The following CALU variants were observed in gnomAD, a reference collection of about 807,000 sequenced individuals.
CALU encodes the protein calumenin, also known as IEF SSP 9302.
Under a neutral mutation model 37.5 loss-of-function variants are expected in CALU, and 13 were observed. The ratio of observed to expected loss-of-function variants is 0.35; its 90% CI spans 0.23 to 0.55. The LOEUF is 0.55. Ranked by LOEUF, CALU falls within the 20% of genes least tolerant of loss-of-function variation. The probability of loss-of-function intolerance (pLI) is 0.89; values close to 1 mark genes in which losing one functional copy is unlikely to be tolerated. For synonymous variants in CALU, 114 were observed against 133.8 expected (o/e 0.85, Z 1.02); for missense variants, 282 against 391.7 (o/e 0.72, Z 2.36).
rs1800792183 is a variant in CALU, at chr7:128,754,474, G to A, written c.415+19G>A. 9 of 1,608,522 alleles carry A rather than the reference G, an allele frequency of 5.6e-6. No individual in the cohort carries two copies. The highest frequency in any genetic ancestry group is 7.6e-6 in the Non-Finnish European group (9 of 1,177,070). ...GTTTTAGGTAGGTCCCTACTGTCTG[G>A]GGGAAAAAGCCTTGTGGAGCTGGCA... On this transcript the variant is annotated intron_variant, in intron 3 of 6. Coordinates refer to ENST00000249364, the MANE Select transcript of CALU (RefSeq NM_001219.5).
intron 5 of CALU, among the ~76,000 whole-genome samples, chr7:128,765,841 A>G (rs1801308244): frequency 6.6e-6 from 1 of 152,200 alleles, no homozygotes; most frequent in Non-Finnish European, 1.5e-5. Context: ...GTACTAACAG[A>G]CCTTGTTTAC....
rs905215582 is a variant in CALU, at chr7:128,772,026, C to T, written c.*2859C>T. On this transcript the variant is annotated 3_prime_UTR_variant, in exon 7 of 7. Transcript: ENST00000249364. ...AAGCTGTAGCAGTTATCCAAAAGTTCTTTCAAACTCATATTTGGGGCCACT... is the reference window on the plus strand; with the variant it reads ...AAGCTGTAGCAGTTATCCAAAAGTTTTTTCAAACTCATATTTGGGGCCACT... Among the ~76,000 whole-genome samples the T allele has an allele frequency of 1.3e-5, 2 of 150,282 alleles. No individual in the cohort carries two copies. The highest frequency in any genetic ancestry group is 3.0e-5 in the Non-Finnish European group (2 of 67,760).
chr7:128,759,149 G>A, intron 4 of CALU, 112 bp downstream of exon 4: 1 of 735,882 alleles, frequency 1.4e-6, no homozygotes, highest in Non-Finnish European at 2.2e-6. Flanking sequence ...ATGCTATATA[G>A]CATATCACTG....
At position 128,769,068 on chromosome 7, in the gene CALU, C is replaced by G. The variant is rs781530380; in HGVS notation, c.849C>G (p.Gly283=). 2.5e-6 allele frequency: 4 copies of G among 1,601,616 alleles called. No homozygotes were observed. In the South Asian group the frequency reaches 4.4e-5, roughly 18 times the overall value. The change falls in exon 7 of 7, where the codon GGC becomes GGG. Residue 283 remains glycine, a synonymous_variant. Coordinates refer to ENST00000249364, the MANE Select transcript of CALU (RefSeq NM_001219.5). ...LVYESDQNKD[G]KLTKEEIVDK... ...ATTGCTATCTCTACTTTCAGGATGGCAAGCTTACCAAGGAGGAGATCGTTG... is the reference window on the plus strand; with the variant it reads ...ATTGCTATCTCTACTTTCAGGATGGGAAGCTTACCAAGGAGGAGATCGTTG...
intron 2 of CALU, among the ~76,000 whole-genome samples, chr7:128,751,674 C>T (rs1173784141): frequency 6.6e-6 from 1 of 152,148 alleles, no homozygotes; most frequent in Non-Finnish European, 1.5e-5. Flanking sequence ...CTACAGTGAG[C>T]TGTAATTGTA....
intron 3 of CALU, among the ~76,000 whole-genome samples, chr7:128,757,815 C>T (rs1361612104): frequency 6.6e-6 from 1 of 151,894 alleles, no homozygotes; most frequent in African/African-American, 2.4e-5. Context: ...TTTCACTTTT[C>T]TATATTCTTA....
intron 3 of CALU, 39 bp from the exon 4 acceptor site, chr7:128,758,831 GA>G: frequency 7.0e-7 from 1 of 1,419,918 alleles, no homozygotes; most frequent in African/African-American, 1.4e-5. Context: ...CATGTTTTCT[GA>G]AAGTCTTTTA....
chr7:128,754,230 C>G (rs1243049152), intron 2 of CALU, 32 bp from the exon 3 acceptor site: 1 of 1,549,122 alleles, frequency 6.5e-7, no homozygotes, highest in East Asian at 2.2e-5. Context: ...GTCTTTTTAA[C>G]CTTTTGCTGG....
At chr7:128,762,099 T>A (rs1385175829) in intron 5 of CALU, among the ~76,000 whole-genome samples, 1 of 152,198 alleles carries the variant, frequency 6.6e-6, no homozygotes, top group Non-Finnish European at 1.5e-5. Context: ...CTAGGTGCAT[T>A]TACTGAGCCC....
At chr7:128,763,022 A>G (rs983046659) in intron 5 of CALU, among the ~76,000 whole-genome samples, 2 of 152,068 alleles carry the variant, frequency 1.3e-5, no homozygotes, top group African/African-American at 2.4e-5. Context: ...CTCAACAACA[A>G]TCAACTTACA....
intron 1 of CALU, among the ~76,000 whole-genome samples, chr7:128,745,164 A>G (rs1800382415): frequency 6.6e-6 from 1 of 152,224 alleles, no homozygotes; most frequent in Non-Finnish European, 1.5e-5. Context: ...TCCTAAAGAT[A>G]AAGTCCCCTT....
At chr7:128,767,134 G>A (rs977930073) in intron 5 of CALU, among the ~76,000 whole-genome samples, 1 of 152,144 alleles carries the variant, frequency 6.6e-6, no homozygotes. Context: ...AGCTACCTTA[G>A]GGTGAAATGA....
intron 5 of CALU, among the ~76,000 whole-genome samples, chr7:128,760,629 C>T (rs971081909): frequency 4.6e-5 from 7 of 152,164 alleles, no homozygotes; most frequent in Non-Finnish European, 1.0e-4. Context: ...TTGCAGGGGG[C>T]TGGGCACGGT....
In CALU at chr7:128,769,736, C is replaced by T. The variant is rs1248062430; in HGVS notation, c.*569C>T. The T allele has an allele frequency of 6.6e-6, 1 of 152,196 alleles. No homozygotes were observed. Among genetic ancestry groups the T allele is most frequent in the Non-Finnish European group, 1.5e-5 (1 of 68,048 alleles). The allele number at this position is 152,196 out of a possible 1,614,324, so 9.4% of individuals were successfully genotyped here. A position where few individuals can be genotyped will look rare whatever the true frequency, so the allele number is the denominator to read the frequency against. On this transcript the variant is annotated 3_prime_UTR_variant, in exon 7 of 7. Coordinates refer to ENST00000249364, the MANE Select transcript of CALU (RefSeq NM_001219.5). ...GCTATAGGTCCAGCAACTGAACCTGCCATTACCTGGGCAAGGAAAGATCCC... is the reference window on the plus strand; with the variant it reads ...GCTATAGGTCCAGCAACTGAACCTGTCATTACCTGGGCAAGGAAAGATCCC...
intron 1 of CALU, among the ~76,000 whole-genome samples, chr7:128,741,061 A>G (rs958123189): frequency 9.9e-5 from 15 of 152,202 alleles, no homozygotes. Flanking sequence ...GATTTTCTGT[A>G]ACGTAGGTAT....
At chr7:128,742,343 G>A (rs1054804098) in intron 1 of CALU, among the ~76,000 whole-genome samples, 4 of 152,154 alleles carry the variant, frequency 2.6e-5, no homozygotes, top group Non-Finnish European at 5.9e-5. Flanking sequence ...CTGCGTTATG[G>A]AGAAATAAAT....
In CALU at chr7:128,773,227, G is replaced by A. The variant is rs1801664976; in HGVS notation, c.*4060G>A. On this transcript the variant is annotated 3_prime_UTR_variant, in exon 7 of 7. Transcript: ENST00000249364. ...TAAAAGTTGGAAGGGAAATGATTAA[G>A]AAATTATTAAATGCAAGGACTGAAA... Among the ~76,000 whole-genome samples, 1 of 152,234 alleles carries A rather than the reference G, an allele frequency of 6.6e-6. No homozygotes were observed. Among genetic ancestry groups the A allele is most frequent in the African/African-American group, 2.4e-5 (1 of 41,452 alleles).
At position 128,767,513 on chromosome 7, in the gene CALU, G is replaced by T; in HGVS notation, c.701G>T (p.Arg234Leu). Residue 234 changes from arginine to leucine, a missense_variant, in exon 6 of 7, where the codon CGA (arginine) becomes CTA (leucine). Arg to Leu is a moderately radical substitution (Grantham distance 102, BLOSUM62 -2). Transcript: ENST00000249364. ...TDEPEWVKTE[R>L]EQFVEFRDKN... is the part of the protein sequence containing the mutation. ...GAGCCAGAATGGGTAAAGACAGAGC[G>T]AGAGCAGTTTGTTGAGTTTCGGGAT... The T allele has an allele frequency of 6.2e-7, 1 of 1,614,170 alleles. No homozygotes were observed.
In CALU at chr7:128,768,863, A is replaced by AAAAAAAAAAAAAAAAAAAAAC; in HGVS notation, c.844-195_844-194insAAAAAAAAAAAAAAACAAAAA. Among the ~76,000 whole-genome samples, 35 of 148,038 alleles carry AAAAAAAAAAAAAAAAAAAAAC rather than the reference A, an allele frequency of 2.4e-4. 1 individual carries two copies. The highest frequency in any genetic ancestry group is 8.3e-4 in the African/African-American group (32 of 38,326). On this transcript the variant is annotated intron_variant, in intron 6 of 6. Coordinates refer to ENST00000249364, the MANE Select transcript of CALU (RefSeq NM_001219.5). ...ACTCCGTCTCAAAAAAAAAAAAAAA[A>AAAAAAAAAAAAAAAAAAAAAC]AAAAACAAGGAATGTGTAATTGCTG...
Sources: allele counts gnomAD v4.1 joint callset (sites outside exome capture counted in the v4.1 genomes callset), GRCh38; gene constraint gnomAD v4.1.1; transcripts MANE v1.5; gene names NCBI Gene and HGNC (gene_info 2026-07-23, HGNC 2026-07-21).